The following FAM234B variants were observed in gnomAD, a reference collection of about 807,000 sequenced individuals.
FAM234B encodes protein FAM234B.
In FAM234B, 33 loss-of-function variants were observed where a neutral mutation model predicts 69.3. The ratio of observed to expected loss-of-function variants is 0.48; its 90% CI spans 0.36 to 0.64. The LOEUF is 0.64. Among genes scored for constraint, FAM234B ranks in the 30% least tolerant of loss-of-function variants. The probability of loss-of-function intolerance (pLI) is 0.00; values close to 1 mark genes in which losing one functional copy is unlikely to be tolerated. For synonymous variants in FAM234B, 306 were observed against 306.9 expected, an observed-to-expected ratio of 1.00 and a Z score of 0.03; for missense variants, 697 against 769.7, an observed-to-expected ratio of 0.91 and a Z score of 1.12.
At chr12:13,065,780 A>T (rs1342322057) in intron 5 of FAM234B, among the ~76,000 whole-genome samples, 1 of 151,790 alleles carries the variant, frequency 6.6e-6, no homozygotes, top group East Asian at 1.9e-4. Flanking sequence ...TCCTCTAAAA[A>T]CCTCCCTCTA....
chr12:13,052,079 C>T (rs1389758934), intron 1 of FAM234B, among the ~76,000 whole-genome samples: 1 of 152,244 alleles, frequency 6.6e-6, no homozygotes, highest in Non-Finnish European at 1.5e-5. Flanking sequence ...CTCTTAAATA[C>T]CATATCATAT....
In FAM234B at chr12:13,055,935, G is replaced by T; in HGVS notation, c.422G>T (p.Gly141Val). The change falls in exon 2 of 13, where the codon GGC becomes GTC. Residue 141 changes from glycine (G) to valine (V), a missense_variant. This residue lies in a region of FAM234B where 380 missense variants were observed against 447.1 expected (regional missense o/e 0.85). Coordinates refer to ENST00000197268, the MANE Select transcript of FAM234B (RefSeq NM_020853.2). ...CACAGCACCTGGAGCCGCCACTTGG[G>T]CTCCCAGGGAGGTGAGCTGCAGAAT... ...DLHSTWSRHL[G>V]SQGGGDLSPL... 1 of 1,563,032 alleles carries T rather than the reference G, an allele frequency of 6.4e-7. No homozygotes were observed. Among genetic ancestry groups the T allele is most frequent in the Non-Finnish European group, 8.7e-7 (1 of 1,153,898 alleles).
At position 13,067,169 on chromosome 12, in the gene FAM234B, G is replaced by T; in HGVS notation, c.1015G>T (p.Val339Phe). 6.2e-7 allele frequency: 1 copy of T among 1,614,010 alleles called. No individual in the cohort carries two copies. Reference protein sequence around the residue: ...ILFGFGNIQAVALRDIFVQAQ... With the variant: ...ILFGFGNIQAFALRDIFVQAQ... ...TGTGGTGCTAGGAAATATACAAGCT[G>T]TCGCACTGCGGGACATTTTTGTTCA... The change falls in exon 7 of 13, where the codon GTC (valine) becomes TTC (phenylalanine). Residue 339 changes from valine to phenylalanine, a missense_variant. Transcript: ENST00000197268. The surrounding 1 kb of genome is among the most constrained non-coding windows in gnomAD (Gnocchi z 4.7).
intron 1 of FAM234B, among the ~76,000 whole-genome samples, chr12:13,051,270 C>T (rs1279629436): frequency 6.6e-6 from 1 of 152,174 alleles, no homozygotes; most frequent in African/African-American, 2.4e-5. Context: ...TGTGATAGTA[C>T]ATAGCATGAT....
At chr12:13,051,269 A>G (rs1864873163) in intron 1 of FAM234B, among the ~76,000 whole-genome samples, 1 of 152,200 alleles carries the variant, frequency 6.6e-6, no homozygotes, top group African/African-American at 2.4e-5. Flanking sequence ...CTGTGATAGT[A>G]CATAGCATGA....
chr12:13,077,984 C>T (rs1043326725), intron 11 of FAM234B, among the ~76,000 whole-genome samples: 3 of 150,972 alleles, frequency 2.0e-5, no homozygotes, highest in African/African-American at 7.3e-5. Flanking sequence ...GATGGTATCT[C>T]ATTGTGGTTT....
Position 13,044,532 on chromosome 12 carries a change from GCCTCAAC to G in FAM234B, c.37+95_37+101del. 1 of 1,417,250 alleles carries G rather than the reference GCCTCAAC, an allele frequency of 7.1e-7. No homozygotes were observed. Among genetic ancestry groups the G allele is most frequent in the South Asian group, 1.3e-5 (1 of 79,906 alleles). 87.8% of individuals were successfully genotyped at this position (1,417,250 alleles called of 1,614,324 possible). ...TGGGGGCGAGGCCGGTCGGGCCCTG[GCCTCAAC>G]CCAGACTCAGCTGCAGGCGCCCGGT... is the stretch of plus-strand genomic sequence containing the variant. On this transcript the variant is annotated intron_variant, in intron 1 of 12. Coordinates refer to ENST00000197268, the MANE Select transcript of FAM234B (RefSeq NM_020853.2). This position sits in a 1 kb window ranked among gnomAD's most constrained non-coding sequence, Gnocchi z 5.6.
rs1397250656 is a variant in FAM234B at position 13,082,796 on chromosome 12, G to A, written c.*2166G>A. On this transcript the variant is annotated 3_prime_UTR_variant, in exon 13 of 13. Coordinates refer to ENST00000197268, the MANE Select transcript of FAM234B (RefSeq NM_020853.2). ...ACATGAAGTTGTTTTCTGAGGACCT[G>A]TTTTGGTGGGATTGTTTGGGCAGAG... The A allele has an allele frequency of 6.6e-6, 1 of 152,186 alleles. No homozygotes were observed. Among genetic ancestry groups the A allele is most frequent in the African/African-American group, 2.4e-5 (1 of 41,444 alleles). 9.4% of individuals were successfully genotyped at this position (152,186 alleles called of 1,614,324 possible).
chr12:13,061,059 A>G (rs147932644), intron 3 of FAM234B, among the ~76,000 whole-genome samples: 2 of 152,312 alleles, frequency 1.3e-5, no homozygotes, highest in African/African-American at 4.8e-5. Flanking sequence ...GGAAGCATTT[A>G]TTAGTGATGA....
rs1864918255 is a variant in FAM234B at position 13,055,497 on chromosome 12, T to C, written c.38-54T>C. The C allele has an allele frequency of 7.5e-6, 11 of 1,473,618 alleles. No individual in the cohort carries two copies. The Admixed American group carries it at 2.4e-4, about 33-fold the overall frequency. 91.3% of individuals were successfully genotyped at this position (1,473,618 alleles called of 1,614,324 possible). ...GTATTTACAGTTGCCATATATTTGGTGAGGGTGTCTTCTCCCCAGTTCCCC... is the reference window on the plus strand; with the variant it reads ...GTATTTACAGTTGCCATATATTTGGCGAGGGTGTCTTCTCCCCAGTTCCCC... On this transcript the variant is annotated intron_variant, in intron 1 of 12. Transcript: ENST00000197268.
chr12:13,056,053 TC>T lies in FAM234B; in HGVS notation c.433+111del, dbSNP rs35606127. ...AAACTTAATATGTGTCATGCGGCAT[TC>T]CCCACCCTGCCGTCCCCACTGTGTG... On this transcript the variant is annotated intron_variant, in intron 2 of 12. Transcript: ENST00000197268. 3.4e-6 allele frequency: 4 copies of T among 1,190,036 alleles called. No homozygotes were observed. In the East Asian group the frequency reaches 1.1e-4, roughly 32 times the overall value. 73.7% of individuals were successfully genotyped at this position (1,190,036 alleles called of 1,614,324 possible).
chr12:13,055,459 C>A, intron 1 of FAM234B, 92 bp from the exon 2 acceptor site: 1 of 1,277,546 alleles, frequency 7.8e-7, no homozygotes, highest in Non-Finnish European at 1.1e-6. Flanking sequence ...TTTAGTTTTC[C>A]GTGTTCTTCT....
At chr12:13,066,297 T>C (rs190905994) in intron 5 of FAM234B, among the ~76,000 whole-genome samples, 28 of 152,176 alleles carry the variant, frequency 1.8e-4, no homozygotes, top group African/African-American at 6.8e-4. Context: ...GGATTTCTGG[T>C]ATTGAAGTAA....
intron 11 of FAM234B, among the ~76,000 whole-genome samples, chr12:13,078,096 G>A (rs1438952409): frequency 6.6e-5 from 10 of 151,176 alleles, no homozygotes; most frequent in African/African-American, 1.7e-4. Context: ...CATGTCCTTC[G>A]CCCACTTGTT....
rs1375487343 is a variant in FAM234B, at chr12:13,058,438, A to G, written c.434-13A>G. ...TTGCTCAGGACCTTTTTGGTTTTTT[A>G]TGTGTATAACAGGTGGGGACCTGTC... On this transcript the variant is annotated splice_polypyrimidine_tract_variant and intron_variant, in intron 2 of 12. Coordinates refer to ENST00000197268, the MANE Select transcript of FAM234B (RefSeq NM_020853.2). 6.8e-6 allele frequency: 11 copies of G among 1,612,098 alleles called. No homozygotes were observed. Among genetic ancestry groups the G allele is most frequent in the African/African-American group, 6.7e-5 (5 of 74,772 alleles).
chr12:13,060,254 A>G lies in FAM234B; in HGVS notation c.533-1321A>G, dbSNP rs570995513. Among the ~76,000 whole-genome samples the G allele has an allele frequency of 2.0e-5, 3 of 152,288 alleles. No individual in the cohort carries two copies. In the East Asian group the frequency reaches 5.8e-4, roughly 29 times the overall value. ...CAAGCTGCTGTGCCCATAACCCACA[A>G]AGCTTTGTGCTACTGGACACAGAGG... On this transcript the variant is annotated intron_variant, in intron 3 of 12. Coordinates refer to ENST00000197268, the MANE Select transcript of FAM234B (RefSeq NM_020853.2).
intron 9 of FAM234B, among the ~76,000 whole-genome samples, chr12:13,070,172 G>GATATATATATATATATATATATAT (rs66463903): frequency 1.4e-5 from 2 of 139,774 alleles, no homozygotes; most frequent in African/African-American, 5.3e-5. Flanking sequence ...ATTAAAAAAA[G>GATATATATATATATATATATATAT]ATATATATAT....
Position 13,067,171 on chromosome 12 carries a change from C to G in FAM234B, c.1017C>G (p.Val339=), listed in dbSNP as rs184515827. ...ILFGFGNIQA[V]ALRDIFVQAQ... ...TGGTGCTAGGAAATATACAAGCTGT[C>G]GCACTGCGGGACATTTTTGTTCAGG... Residue 339 remains valine, a synonymous_variant, in exon 7 of 13, where the codon GTC becomes GTG. Coordinates refer to ENST00000197268, the MANE Select transcript of FAM234B (RefSeq NM_020853.2). This position sits in a 1 kb window ranked among gnomAD's most constrained non-coding sequence, Gnocchi z 4.7. The G allele has an allele frequency of 1.2e-6, 2 of 1,613,964 alleles. No homozygotes were observed. Among genetic ancestry groups the G allele is most frequent in the Non-Finnish European group, 1.7e-6 (2 of 1,179,882 alleles).
intron 5 of FAM234B, among the ~76,000 whole-genome samples, chr12:13,064,166 C>G (rs536909193): frequency 6.6e-6 from 1 of 152,280 alleles, no homozygotes; most frequent in African/African-American, 2.4e-5. Context: ...TTTCTGAAGC[C>G]TACTTAGTTT....
Sources: allele counts gnomAD v4.1 joint callset (sites outside exome capture counted in the v4.1 genomes callset), GRCh38; gene constraint gnomAD v4.1.1; regional missense constraint gnomAD v4.1.1; non-coding constraint Gnocchi (gnomAD v3.1); transcripts MANE v1.5; gene names NCBI Gene and HGNC (gene_info 2026-07-23, HGNC 2026-07-21).